EMB: variants seen among roughly 807,000 people sequenced by gnomAD.
EMB encodes the protein embigin, also known as embigin homolog.
In EMB, 31 loss-of-function variants were observed where a neutral mutation model predicts 41.4. The observed-to-expected ratio is 0.75, with a 90% CI of 0.56 to 1.01. The LOEUF is 1.01. Among genes scored for constraint, EMB ranks in the 50% least tolerant of loss-of-function variants. The probability of loss-of-function intolerance (pLI) is 0.00; values close to 1 mark genes in which losing one functional copy is unlikely to be tolerated. For missense variants in EMB, 379 were observed against 388.3 expected, an observed-to-expected ratio of 0.98 and a Z score of 0.20; for synonymous variants, 137 against 140.4, an observed-to-expected ratio of 0.98 and a Z score of 0.17.
intron 2 of EMB, among the ~76,000 whole-genome samples, chr5:50,412,567 C>G (rs1251876805): frequency 6.6e-6 from 1 of 152,116 alleles, no homozygotes; most frequent in African/African-American, 2.4e-5. Flanking sequence ...TTTCGTTTTT[C>G]CATAAGCTGC....
At chr5:50,401,773 C>T (rs1270712170) in intron 7 of EMB, among the ~76,000 whole-genome samples, 1 of 151,856 alleles carries the variant, frequency 6.6e-6, no homozygotes, top group Non-Finnish European at 1.5e-5. Context: ...GGATCAAAAC[C>T]ATTTGTAGAT....
Position 50,408,226 on chromosome 5 carries a change from G to C in EMB, c.473-2374C>G, listed in dbSNP as rs375538557. ...CTTGTTCTTTACCAATTAAATTTCTGCATACTTTCTACTAAGAGATTTTAA... is the reference window on the plus strand; with the variant it reads ...CTTGTTCTTTACCAATTAAATTTCTCCATACTTTCTACTAAGAGATTTTAA... On this transcript the variant is annotated intron_variant, in intron 4 of 8. Transcript: ENST00000303221. Among the ~76,000 whole-genome samples, 5 of 149,294 alleles carry C rather than the reference G, an allele frequency of 3.3e-5. No individual in the cohort carries two copies. The East Asian group carries it at 6.0e-4, about 18-fold the overall frequency.
chr5:50,434,719 G>GA (rs1235127198), intron 1 of EMB, among the ~76,000 whole-genome samples: 1 of 152,116 alleles, frequency 6.6e-6, no homozygotes, highest in African/African-American at 2.4e-5. Context: ...AAAATGCCAG[G>GA]AAAATGCTAT....
At chr5:50,426,057 ACAT>A (rs2111840597) in intron 2 of EMB, among the ~76,000 whole-genome samples, 1 of 152,346 alleles carries the variant, frequency 6.6e-6, no homozygotes, top group African/African-American at 2.4e-5. Flanking sequence ...ATTGTTTACT[ACAT>A]CATTTCAAAA....
chr5:50,410,383 T>C (rs1423157738), intron 4 of EMB, among the ~76,000 whole-genome samples: 1 of 152,122 alleles, frequency 6.6e-6, no homozygotes, highest in Non-Finnish European at 1.5e-5. Context: ...TTCTGTGGCT[T>C]GTATATATCT....
At chr5:50,420,282 T>C (rs369002287) in intron 2 of EMB, among the ~76,000 whole-genome samples, 10 of 152,328 alleles carry the variant, frequency 6.6e-5, no homozygotes, top group Admixed American at 6.5e-4. Context: ...AAATACCTAA[T>C]GTAAACTGAA....
chr5:50,412,472 T>TCA (rs1424023991), intron 2 of EMB, among the ~76,000 whole-genome samples: 1 of 151,974 alleles, frequency 6.6e-6, no homozygotes, highest in Non-Finnish European at 1.5e-5. Flanking sequence ...TGAGAAATCT[T>TCA]CACACCACAC....
chr5:50,400,325 C>T (rs558857453), intron 7 of EMB, among the ~76,000 whole-genome samples: 1 of 151,772 alleles, frequency 6.6e-6, no homozygotes, highest in Non-Finnish European at 1.5e-5. Flanking sequence ...CTTTTTCCAC[C>T]CAAAGTTTAT....
chr5:50,405,614 T>C lies in EMB; in HGVS notation c.600+111A>G, dbSNP rs948358700. The stretch of plus-strand genomic sequence containing the variant: ...TATGAACATAAGCTAAACAACAAGA[T>C]AACAAAAGTATAAATCATCTTAGGA... On this transcript the variant is annotated intron_variant, in intron 5 of 8. Coordinates refer to ENST00000303221, the MANE Select transcript of EMB (RefSeq NM_198449.3). The C allele has an allele frequency of 4.3e-6, 6 of 1,402,386 alleles. No homozygotes were observed. The Admixed American group carries it at 1.1e-4, about 26-fold the overall frequency. The allele number at this position is 1,402,386 out of a possible 1,614,324, so 86.9% of individuals were successfully genotyped here.
chr5:50,441,544 A>T (rs1387727052), upstream of EMB, among the ~76,000 whole-genome samples: 4 of 152,100 alleles, frequency 2.6e-5, no homozygotes, highest in Non-Finnish European at 4.4e-5. Context: ...TGGCCTTTGC[A>T]CTTCACCTGA....
chr5:50,435,242 A>G (rs892367434), intron 1 of EMB, among the ~76,000 whole-genome samples: 2 of 152,152 alleles, frequency 1.3e-5, no homozygotes, highest in African/African-American at 4.8e-5. Flanking sequence ...TGCCCCACTA[A>G]AACATTACCG....
chr5:50,429,486 G>C (rs1403508350), intron 1 of EMB, among the ~76,000 whole-genome samples: 1 of 151,960 alleles, frequency 6.6e-6, no homozygotes, highest in African/African-American at 2.4e-5. Flanking sequence ...TTTAGCTTTA[G>C]AACATTGCTT....
At chr5:50,421,974 A>G (rs1472826245) in intron 2 of EMB, among the ~76,000 whole-genome samples, 1 of 152,030 alleles carries the variant, frequency 6.6e-6, no homozygotes, top group Non-Finnish European at 1.5e-5. Context: ...GCAGCACACC[A>G]ACATGGCACA....
intron 2 of EMB, among the ~76,000 whole-genome samples, chr5:50,425,190 A>G (rs544003569): frequency 1.3e-5 from 2 of 152,258 alleles, no homozygotes; most frequent in South Asian, 4.1e-4. Context: ...TTGCTGGCCG[A>G]GATTTAGACA....
chr5:50,417,464 A>G (rs934148521), intron 2 of EMB, among the ~76,000 whole-genome samples: 5 of 152,194 alleles, frequency 3.3e-5, no homozygotes, highest in African/African-American at 1.2e-4. Context: ...ATGATGGTTT[A>G]TTAAGTGATC....
chr5:50,435,794 G>A (rs1232525471), intron 1 of EMB, among the ~76,000 whole-genome samples: 1 of 152,106 alleles, frequency 6.6e-6, no homozygotes, highest in Non-Finnish European at 1.5e-5. Context: ...ATTTGCTTCA[G>A]TTGGTACTCA....
At chr5:50,438,534 T>C (rs1745843236) in intron 1 of EMB, among the ~76,000 whole-genome samples, 1 of 152,236 alleles carries the variant, frequency 6.6e-6, no homozygotes, top group Admixed American at 6.5e-5. Context: ...CATTTATAAC[T>C]ATTCTTATTA....
chr5:50,427,902 A>C (rs1171244768), intron 2 of EMB, among the ~76,000 whole-genome samples: 2 of 152,140 alleles, frequency 1.3e-5, no homozygotes, highest in Non-Finnish European at 2.9e-5. Flanking sequence ...CCCTTTTCTC[A>C]GGTATCCATT....
In EMB at chr5:50,440,470, T is replaced by C. The variant is rs528822867; in HGVS notation, c.112+570A>G. ...ATCGCTTGAACCCGGGAGGAGGAGG[T>C]TGCGGTGAGCCGAGATCACGCCATT... On this transcript the variant is annotated intron_variant, in intron 1 of 8. Coordinates refer to ENST00000303221, the MANE Select transcript of EMB (RefSeq NM_198449.3). 1.9e-4 allele frequency among the ~76,000 whole-genome samples: 26 copies of C among 136,620 alleles called. 1 individual carries two copies. Among genetic ancestry groups the C allele is most frequent in the African/African-American group, 6.9e-4 (24 of 34,900 alleles). The allele number at this position is 136,620 out of a possible 152,430, so 89.6% of individuals were successfully genotyped here.
Sources: allele counts gnomAD v4.1 joint callset (sites outside exome capture counted in the v4.1 genomes callset), GRCh38; gene constraint gnomAD v4.1.1; transcripts MANE v1.5; gene names NCBI Gene and HGNC (gene_info 2026-07-23, HGNC 2026-07-21).